BUB1B: variants seen among roughly 807,000 people sequenced by gnomAD.
BUB1B encodes the protein BUB1 mitotic checkpoint serine/threonine kinase B.
Under a neutral mutation model 137.7 loss-of-function variants are expected in BUB1B, and 86 were observed. The observed-to-expected ratio is 0.62, with a 90% CI of 0.52 to 0.75. The LOEUF is 0.75. Ranked by LOEUF, BUB1B falls within the 30% of genes least tolerant of loss-of-function variation. BUB1B has a pLI of 0.00. For synonymous variants in BUB1B, 420 were observed against 417.9 expected, an observed-to-expected ratio of 1.00 and a Z score of -0.06; for missense variants, 1,130 against 1,236.9, an observed-to-expected ratio of 0.91 and a Z score of 1.30.
intron 4 of BUB1B, among the ~76,000 whole-genome samples, chr15:40,174,649 A>G (rs1266856634): frequency 1.3e-5 from 2 of 152,242 alleles, no homozygotes; most frequent in African/African-American, 4.8e-5. Context: ...TAGTAGTAAC[A>G]GAACTCCTAA....
chr15:40,170,539 A>G lies in BUB1B; in HGVS notation c.242A>G (p.Tyr81Cys), dbSNP rs1212671249. 3.7e-6 allele frequency: 6 copies of G among 1,613,512 alleles called. No homozygotes were observed. The highest frequency in any genetic ancestry group is 4.5e-5 in the East Asian group (2 of 44,848). Residue 81 changes from tyrosine to cysteine, a missense_variant and splice_region_variant, in exon 4 of 23, where the codon TAT (tyrosine) becomes TGT (cysteine). Transcript: ENST00000287598. ...GNDPLDVWDR[Y>C]ISWTEQNYPQ... ...CTTATCTTTTTCCTCCCATTTAGGT[A>G]TATCAGCTGGACAGAGCAGAACTAT... is the stretch of plus-strand genomic sequence containing the variant.
At chr15:40,212,124 T>C (rs2037721294) in intron 18 of BUB1B, among the ~76,000 whole-genome samples, 1 of 152,234 alleles carries the variant, frequency 6.6e-6, no homozygotes, top group Non-Finnish European at 1.5e-5. Flanking sequence ...CATGAGCCAC[T>C]GCACTAGGCC....
At chr15:40,178,679 G>T (rs959515920) in intron 5 of BUB1B, among the ~76,000 whole-genome samples, 1 of 151,882 alleles carries the variant, frequency 6.6e-6, no homozygotes, top group African/African-American at 2.4e-5. Context: ...TTGTGATTTT[G>T]TCTATTTCTT....
chr15:40,185,248 G>A lies in BUB1B; in HGVS notation c.835G>A (p.Ala279Thr). The A allele has an allele frequency of 1.9e-6, 3 of 1,614,088 alleles. No individual in the cohort carries two copies. Among genetic ancestry groups the A allele is most frequent in the Non-Finnish European group, 1.7e-6 (2 of 1,179,980 alleles). Residue 279 changes from alanine (A) to threonine (T), a missense_variant, in exon 7 of 23, where the codon GCT (alanine) becomes ACT (threonine). Ala to Thr is a moderately conservative substitution (Grantham distance 58, BLOSUM62 0). Coordinates refer to ENST00000287598, the MANE Select transcript of BUB1B (RefSeq NM_001211.6). Reference sequence around the variant, plus strand: ...TAGAATTACTGTTTTTGATGAAAATGCTGATGAGGCTTCTACAGCAGAGTT... The same window carrying A: ...TAGAATTACTGTTTTTGATGAAAATACTGATGAGGCTTCTACAGCAGAGTT... Reference protein sequence around the residue: ...NSRITVFDENADEASTAELSK... With the variant: ...NSRITVFDENTDEASTAELSK...
intron 8 of BUB1B, among the ~76,000 whole-genome samples, chr15:40,195,993 C>T (rs1055295273): frequency 1.3e-5 from 2 of 152,136 alleles, no homozygotes; most frequent in Non-Finnish European, 2.9e-5. Context: ...AGTTTAGCCC[C>T]ATCTAATTAT....
rs1247137397 is a variant in BUB1B at position 40,183,902 on chromosome 15, A to G, written c.751+19A>G. The G allele has an allele frequency of 6.2e-7, 1 of 1,612,702 alleles. No individual in the cohort carries two copies. Among genetic ancestry groups the G allele is most frequent in the Non-Finnish European group, 8.5e-7 (1 of 1,179,210 alleles). On this transcript the variant is annotated intron_variant, in intron 6 of 22. Coordinates refer to ENST00000287598, the MANE Select transcript of BUB1B (RefSeq NM_001211.6). ...CTCAAGGGTAAGTTTGTTAAACGTT[A>G]TTTCGGAAAACTGTTAGTTTCTAGT...
rs748512524 is a variant in BUB1B at position 40,170,640 on chromosome 15, T to C, written c.343T>C (p.Tyr115His). 27 of 1,613,738 alleles carry C rather than the reference T, an allele frequency of 1.7e-5. No homozygotes were observed. The highest frequency in any genetic ancestry group is 2.3e-5 in the Non-Finnish European group (27 of 1,179,750). ...AVEALQGEKR[Y>H]YSDPRFLNLW... is the part of the protein sequence containing the mutation. ...AGAAGCACTACAAGGAGAAAAACGATATTATAGTGATCCTCGATTTCTCAA... is the reference window on the plus strand; with the variant it reads ...AGAAGCACTACAAGGAGAAAAACGACATTATAGTGATCCTCGATTTCTCAA... Residue 115 changes from tyrosine (Y) to histidine (H), a missense_variant, in exon 4 of 23, where the codon TAT becomes CAT. Physicochemically the swap from Tyr to His is moderately conservative, Grantham distance 83 (BLOSUM62 2). Transcript: ENST00000287598.
At chr15:40,168,732 C>T (rs1171099176) in intron 2 of BUB1B, among the ~76,000 whole-genome samples, 3 of 152,102 alleles carry the variant, frequency 2.0e-5, no homozygotes, top group Non-Finnish European at 4.4e-5. Context: ...CCAGGGGTCT[C>T]CATTTGCTCT....
intron 19 of BUB1B, 119 bp from the exon 20 acceptor site, chr15:40,213,213 G>A: frequency 9.8e-7 from 1 of 1,021,810 alleles, no homozygotes; most frequent in Non-Finnish European, 1.5e-6. Context: ...GTCTACAGAG[G>A]TGCCTACGTT....
chr15:40,201,013 T>G (rs1381138333), intron 12 of BUB1B, 33 bp downstream of exon 12: 1 of 1,591,612 alleles, frequency 6.3e-7, no homozygotes, highest in Non-Finnish European at 8.6e-7. Context: ...GAGAAGAACT[T>G]GCTGATAACA....
Position 40,212,540 on chromosome 15 carries a change from C to T in BUB1B, c.2427C>T (p.Leu809=). The part of the protein sequence containing the change: ...QPVPWDFYIN[L]KLKERLNEDF... ...TCCCATGGGACTTTTATATCAACCT[C>T]AAGTTAAAGGAACGTTTAAATGAAG... Residue 809 remains leucine, a synonymous_variant, in exon 19 of 23, where the codon CTC becomes CTT. Coordinates refer to ENST00000287598, the MANE Select transcript of BUB1B (RefSeq NM_001211.6). The T allele has an allele frequency of 6.2e-7, 1 of 1,613,028 alleles. No homozygotes were observed. Among genetic ancestry groups the T allele is most frequent in the Non-Finnish European group, 8.5e-7 (1 of 1,179,226 alleles).
Position 40,217,552 on chromosome 15 carries a change from T to C in BUB1B, c.2735T>C (p.Phe912Ser). ...AATCAAGCTTTGAAGATAGTGGACT[T>C]TTCCTACAGTGTTGACCTTAGGGTG... Reference protein sequence around the residue: ...KNNQALKIVDFSYSVDLRVQL... With the variant: ...KNNQALKIVDSSYSVDLRVQL... Residue 912 changes from phenylalanine to serine, a missense_variant, in exon 21 of 23, where the codon TTT becomes TCT. Transcript: ENST00000287598. 9.9e-6 allele frequency: 16 copies of C among 1,614,188 alleles called. No individual in the cohort carries two copies. Among genetic ancestry groups the C allele is most frequent in the Non-Finnish European group, 1.3e-5 (15 of 1,180,038 alleles).
chr15:40,186,402 T>G (rs1052741000), intron 8 of BUB1B, among the ~76,000 whole-genome samples: 1 of 151,822 alleles, frequency 6.6e-6, no homozygotes, highest in Non-Finnish European at 1.5e-5. Flanking sequence ...AGCCTGAGAT[T>G]TAGTCTAATG....
At chr15:40,189,755 T>G (rs1403326096) in intron 8 of BUB1B, among the ~76,000 whole-genome samples, 1 of 152,248 alleles carries the variant, frequency 6.6e-6, no homozygotes, top group Non-Finnish European at 1.5e-5. Context: ...ATCGTGTGAT[T>G]AACTCCATGT....
intron 15 of BUB1B, 106 bp downstream of exon 15, chr15:40,206,564 G>A: frequency 1.4e-6 from 2 of 1,419,524 alleles, no homozygotes; most frequent in Non-Finnish European, 9.8e-7. Context: ...TAACTGCCAG[G>A]TACTGTGCTA....
At chr15:40,176,803 T>A in intron 5 of BUB1B, 130 bp downstream of exon 5, 1 of 977,394 alleles carries the variant, frequency 1.0e-6, no homozygotes, top group Non-Finnish European at 1.5e-6. Flanking sequence ...TCAATTTTTT[T>A]AAAGATATAT....
intron 9 of BUB1B, among the ~76,000 whole-genome samples, chr15:40,198,239 G>T (rs1269696432): frequency 6.8e-6 from 1 of 146,086 alleles, no homozygotes; most frequent in African/African-American, 2.5e-5. Flanking sequence ...TTTCTATTGT[G>T]TTTTTTTTTT....
intron 16 of BUB1B, among the ~76,000 whole-genome samples, chr15:40,209,237 G>A (rs2037678548): frequency 2.0e-5 from 3 of 152,204 alleles, no homozygotes; most frequent in Admixed American, 1.3e-4. Context: ...TGGCTAACAT[G>A]GGGAAACCCC....
At chr15:40,219,847 A>G (rs1319184279) in intron 22 of BUB1B, among the ~76,000 whole-genome samples, 1 of 151,944 alleles carries the variant, frequency 6.6e-6, no homozygotes, top group Non-Finnish European at 1.5e-5. Context: ...CCCCTTCTCT[A>G]TTTTCATCTT....
Sources: gnomAD v4.1 joint callset for allele counts (sites outside exome capture counted in the v4.1 genomes callset) on GRCh38, gnomAD v4.1.1 for gene constraint, MANE v1.5 for transcripts, NCBI Gene and HGNC (gene_info 2026-07-23, HGNC 2026-07-21) for gene names.